The following KCNU1 variants were observed in gnomAD, a reference collection of about 807,000 sequenced individuals.
KCNU1 encodes potassium calcium-activated channel subfamily U member 1.
In KCNU1, 93 loss-of-function variants were observed where a neutral mutation model predicts 126.8. The ratio of observed to expected loss-of-function variants is 0.73; its 90% CI spans 0.62 to 0.87. KCNU1 has a LOEUF of 0.87. KCNU1 is among the 40% of genes least tolerant of loss of function. The probability of loss-of-function intolerance (pLI) is 0.00; values close to 1 mark genes in which losing one functional copy is unlikely to be tolerated. For missense variants in KCNU1, 1,330 were observed against 1,367.1 expected (o/e 0.97, Z 0.43); for synonymous variants, 523 against 494.2 (o/e 1.06, Z -0.77).
rs376297677 is a variant in KCNU1 at position 36,909,398 on chromosome 8, C to T, written c.2194C>T (p.Arg732Trp). ...TGCCCACTCAGCCCCGATGGGGCTT[C>T]GGAACTTTGTAATGCCCTTGAGAGC... ...GDAHSAPMGL[R>W]NFVMPLRASN... The change falls in exon 21 of 27, where the codon CGG becomes TGG. Residue 732 changes from arginine (R) to tryptophan (W), a missense_variant. Arg to Trp is a moderately radical substitution (Grantham distance 101). Transcript: ENST00000399881. 2.7e-5 allele frequency: 43 copies of T among 1,612,718 alleles called. No homozygotes were observed. Among genetic ancestry groups the T allele is most frequent in the East Asian group, 4.5e-5 (2 of 44,874 alleles).
At chr8:36,902,165 A>G (rs2117492553) in intron 19 of KCNU1, among the ~76,000 whole-genome samples, 1 of 152,268 alleles carries the variant, frequency 6.6e-6, no homozygotes, top group South Asian at 2.1e-4. Context: ...GGTTTCCTCC[A>G]GCATTTTTTA....
At chr8:36,799,925 T>G (rs190788250) in intron 2 of KCNU1, among the ~76,000 whole-genome samples, 1 of 152,108 alleles carries the variant, frequency 6.6e-6, no homozygotes, top group African/African-American at 2.4e-5. Flanking sequence ...CTTTCATCAG[T>G]ATCCATTCTG....
At chr8:36,868,314 C>T (rs1805983121) in intron 19 of KCNU1, among the ~76,000 whole-genome samples, 1 of 151,934 alleles carries the variant, frequency 6.6e-6, no homozygotes, top group Admixed American at 6.6e-5. Flanking sequence ...TCTATGTTTG[C>T]CATAACAACA....
intron 10 of KCNU1, among the ~76,000 whole-genome samples, chr8:36,829,775 G>T (rs546536912): frequency 1.9e-3 from 284 of 151,238 alleles, no homozygotes; most frequent in African/African-American, 6.6e-3. Context: ...CATTTATTTA[G>T]TTCTCCTTTA....
intron 2 of KCNU1, among the ~76,000 whole-genome samples, chr8:36,791,292 T>A (rs551055232): frequency 6.6e-6 from 1 of 152,324 alleles, no homozygotes; most frequent in South Asian, 2.1e-4. Context: ...TTATCTTATT[T>A]CTTTTTGAGA....
chr8:36,799,816 C>T (rs1350776875), intron 2 of KCNU1, among the ~76,000 whole-genome samples: 1 of 151,984 alleles, frequency 6.6e-6, no homozygotes, highest in African/African-American at 2.4e-5. Flanking sequence ...GCTGGGATTA[C>T]AGGCATTAGT....
chr8:36,903,602 C>T (rs1807506428), intron 19 of KCNU1, among the ~76,000 whole-genome samples: 1 of 152,102 alleles, frequency 6.6e-6, no homozygotes, highest in Non-Finnish European at 1.5e-5. Flanking sequence ...CTGGATTATA[C>T]AATTTTTAAA....
intron 26 of KCNU1, 90 bp from the exon 27 acceptor site, chr8:36,935,425 C>G (rs1372706006): frequency 2.0e-6 from 2 of 1,023,936 alleles, no homozygotes; most frequent in African/African-American, 3.2e-5. Flanking sequence ...TCTTTGGGCC[C>G]AGCAAAATGA....
chr8:36,901,421 G>C (rs866404763), intron 19 of KCNU1, among the ~76,000 whole-genome samples: 9 of 152,122 alleles, frequency 5.9e-5, no homozygotes, highest in Non-Finnish European at 1.0e-4. Context: ...GTTCTATTCA[G>C]AATGGTCGCA....
intron 10 of KCNU1, among the ~76,000 whole-genome samples, 180 bp from the exon 11 acceptor site, chr8:36,833,374 T>G (rs1804625793): frequency 6.6e-6 from 1 of 152,234 alleles, no homozygotes; most frequent in Non-Finnish European, 1.5e-5. Context: ...TTAAACTAAA[T>G]AGTGAACTTC....
intron 2 of KCNU1, among the ~76,000 whole-genome samples, chr8:36,791,620 G>A (rs931310521): frequency 6.6e-6 from 1 of 152,058 alleles, no homozygotes; most frequent in Non-Finnish European, 1.5e-5. Flanking sequence ...TTAGTATACA[G>A]AAGAACTAAG....
At chr8:36,906,497 T>G (rs1222785917) in intron 20 of KCNU1, among the ~76,000 whole-genome samples, 1 of 152,184 alleles carries the variant, frequency 6.6e-6, no homozygotes, top group Non-Finnish European at 1.5e-5. Flanking sequence ...TTTCTGGAGT[T>G]GGAAACTCAA....
chr8:36,811,375 A>G (rs1803704492), intron 7 of KCNU1, among the ~76,000 whole-genome samples: 1 of 152,108 alleles, frequency 6.6e-6, no homozygotes, highest in Non-Finnish European at 1.5e-5. Context: ...ATCCAAGCAG[A>G]ACAAAACAGG....
intron 19 of KCNU1, among the ~76,000 whole-genome samples, chr8:36,871,004 A>C (rs1165087274): frequency 1.3e-5 from 2 of 152,192 alleles, no homozygotes; most frequent in East Asian, 3.9e-4. Flanking sequence ...TTGATGGTAT[A>C]ATTTGGGACC....
At chr8:36,870,119 T>C (rs1303972683) in intron 19 of KCNU1, among the ~76,000 whole-genome samples, 1 of 152,204 alleles carries the variant, frequency 6.6e-6, no homozygotes, top group Non-Finnish European at 1.5e-5. Flanking sequence ...GGCTATTTTC[T>C]AGTGCCTTCC....
At chr8:36,924,131 A>C (rs1217383840) in intron 24 of KCNU1, among the ~76,000 whole-genome samples, 1 of 152,202 alleles carries the variant, frequency 6.6e-6, no homozygotes, top group Non-Finnish European at 1.5e-5. Flanking sequence ...GACTCATGAG[A>C]TCAGTGTGTA....
chr8:36,787,248 A>G, intron 1 of KCNU1, 58 bp from the exon 2 acceptor site: 1 of 1,491,718 alleles, frequency 6.7e-7, no homozygotes, highest in Non-Finnish European at 9.0e-7. Context: ...CGTAAGTAGA[A>G]CAGATTTCTT....
rs1236714897 is a variant in KCNU1, at chr8:36,911,122, G to A, written c.2521+3G>A. ...TGACCCGTCACCCTCAGTGTCAGGTGAGAACAGCACCCCTGAAAAGAAGAA... is the reference window on the plus strand; with the variant it reads ...TGACCCGTCACCCTCAGTGTCAGGTAAGAACAGCACCCCTGAAAAGAAGAA... On this transcript the variant is annotated splice_donor_region_variant and intron_variant, in intron 22 of 26. Coordinates refer to ENST00000399881, the MANE Select transcript of KCNU1 (RefSeq NM_001031836.3). The A allele has an allele frequency of 3.1e-6, 5 of 1,607,510 alleles. No homozygotes were observed. Among genetic ancestry groups the A allele is most frequent in the Non-Finnish European group, 4.3e-6 (5 of 1,174,956 alleles).
Position 36,922,620 on chromosome 8 carries a change from G to C in KCNU1, c.2727G>C (p.Leu909=), listed in dbSNP as rs115657389. Residue 909 remains leucine (L), a synonymous_variant, in exon 24 of 27, where the codon CTG becomes CTC. Coordinates refer to ENST00000399881, the MANE Select transcript of KCNU1 (RefSeq NM_001031836.3). The part of the protein sequence containing the change: ...TVFSGSFLDS[L]LATAFYNYHV... Reference sequence around the variant, plus strand: ...TTTCCGGCAGCTTCTTGGATTCTCTGCTGGCCACGGTAAGAAAAGCTAAGC... The same window carrying C: ...TTTCCGGCAGCTTCTTGGATTCTCTCCTGGCCACGGTAAGAAAAGCTAAGC... 2,938 of 1,612,958 alleles carry C rather than the reference G, an allele frequency of 1.8e-3. 38 individuals carry two copies. The African/African-American group carries it at 0.033, about 18-fold the overall frequency.
Sources: allele counts gnomAD v4.1 joint callset (sites outside exome capture counted in the v4.1 genomes callset), GRCh38; gene constraint gnomAD v4.1.1; transcripts MANE v1.5; gene names NCBI Gene and HGNC (gene_info 2026-07-23, HGNC 2026-07-21).